The following PACRG variants were observed in gnomAD, a reference collection of about 807,000 sequenced individuals.
The protein encoded by PACRG is parkin coregulated gene protein.
PACRG carries 29 observed loss-of-function variants against 29.7 expected under a neutral mutation model. The observed-to-expected ratio is 0.98, with a 90% CI of 0.73 to 1.33. PACRG has a LOEUF of 1.33. PACRG is among the 40% of genes most tolerant of loss of function. The pLI, the probability that PACRG is intolerant of heterozygous loss-of-function variation, is 0.00. For missense variants in PACRG, 279 were observed against 316.2 expected (o/e 0.88, Z 0.89); for synonymous variants, 116 against 118.7 (o/e 0.98, Z 0.15).
chr6:162,794,947 A>G (rs1021371335), intron 1 of PACRG, among the ~76,000 whole-genome samples: 7 of 152,148 alleles, frequency 4.6e-5, no homozygotes, highest in African/African-American at 1.2e-4. Flanking sequence ...AATGAATACT[A>G]TGAATATTGT....
chr6:163,095,255 A>G, intron 4 of PACRG: 1 of 985,110 alleles, frequency 1.0e-6, no homozygotes, highest in South Asian at 4.7e-5. Context: ...TTTCAACCCA[A>G]ATCCACTTAT....
chr6:163,128,933 T>A (rs1398411374), intron 4 of PACRG, among the ~76,000 whole-genome samples: 2 of 152,188 alleles, frequency 1.3e-5, no homozygotes, highest in African/African-American at 4.8e-5. Flanking sequence ...ATCTCATCCA[T>A]CTGTTTTTTT....
intron 2 of PACRG, among the ~76,000 whole-genome samples, chr6:163,031,561 C>T (rs1807665386): frequency 6.6e-6 from 1 of 152,186 alleles, no homozygotes; most frequent in Non-Finnish European, 1.5e-5. Context: ...CCCATTTTTA[C>T]TAAAGACAAA....
At chr6:163,238,334 G>T (rs1782330065) in intron 4 of PACRG, among the ~76,000 whole-genome samples, 1 of 152,166 alleles carries the variant, frequency 6.6e-6, no homozygotes, top group Admixed American at 6.5e-5. Flanking sequence ...ATATACAACA[G>T]TAAATAATTA....
intron 4 of PACRG, among the ~76,000 whole-genome samples, chr6:163,195,797 T>A (rs1448561987): frequency 6.6e-6 from 1 of 152,170 alleles, no homozygotes; most frequent in African/African-American, 2.4e-5. Context: ...ACGGCCATTC[T>A]AAAATGGCCC....
chr6:162,903,478 G>A lies in PACRG; in HGVS notation c.291+89197G>A, dbSNP rs368678365. 5.9e-5 allele frequency among the ~76,000 whole-genome samples: 9 copies of A among 152,236 alleles called. No homozygotes were observed. In the East Asian group the frequency reaches 1.7e-3, roughly 30 times the overall value. ...GTGGCTGGGGAGGCCTCACAATCAT[G>A]GCAGAAGGTGAAAGACACATCTTAC... On this transcript the variant is annotated intron_variant, in intron 2 of 4. Transcript: ENST00000366888.
intron 2 of PACRG, among the ~76,000 whole-genome samples, chr6:163,044,128 G>A (rs1055705875): frequency 2.6e-5 from 4 of 151,950 alleles, no homozygotes; most frequent in African/African-American, 9.7e-5. Context: ...GAAAAAATAA[G>A]GGTTGGATGT....
chr6:162,980,467 AG>A (rs1723749245), intron 2 of PACRG, among the ~76,000 whole-genome samples: 2 of 152,180 alleles, frequency 1.3e-5, no homozygotes, highest in Admixed American at 1.3e-4. Flanking sequence ...GGATTAAGTA[AG>A]GTTCAGAAGC....
At chr6:162,862,365 C>A (rs911996231) in intron 2 of PACRG, among the ~76,000 whole-genome samples, 5 of 152,170 alleles carry the variant, frequency 3.3e-5, no homozygotes, top group African/African-American at 1.2e-4. Context: ...CCTGTATACT[C>A]TGTGGTGGGG....
Position 163,079,890 on chromosome 6 carries a change from C to CTTTTTTTTTTT in PACRG, c.464-9354_464-9344dup, listed in dbSNP as rs67162530. Among the ~76,000 whole-genome samples, 23 of 78,694 alleles carry CTTTTTTTTTTT rather than the reference C, an allele frequency of 2.9e-4. 1 individual carries two copies. Among genetic ancestry groups the CTTTTTTTTTTT allele is most frequent in the East Asian group, 4.4e-4 (1 of 2,250 alleles). 51.6% of individuals were successfully genotyped at this position (78,694 alleles called of 152,430 possible). On this transcript the variant is annotated intron_variant, in intron 3 of 4. Coordinates refer to ENST00000366888, the MANE Select transcript of PACRG (RefSeq NM_001080379.2). ...CAGAAGAAGAAATGTAGCAGTCATT[C>CTTTTTTTTTTT]TTTTTTTTTTTTTTTTTTTTTTTTT...
At chr6:162,814,103 G>T (rs1477373740) in intron 1 of PACRG, 44 bp from the exon 2 acceptor site, 2 of 1,510,590 alleles carry the variant, frequency 1.3e-6, no homozygotes, top group South Asian at 2.6e-5. Context: ...AATTTTTTTA[G>T]TATGTCTTAA....
chr6:162,770,186 A>G (rs1238701949), intron 1 of PACRG, among the ~76,000 whole-genome samples: 1 of 152,182 alleles, frequency 6.6e-6, no homozygotes, highest in African/African-American at 2.4e-5. Flanking sequence ...GACTTTAAAA[A>G]TGTTTATTCT....
chr6:163,200,466 T>G (rs995803888), intron 4 of PACRG, among the ~76,000 whole-genome samples: 1 of 151,698 alleles, frequency 6.6e-6, no homozygotes, highest in Non-Finnish European at 1.5e-5. Flanking sequence ...AACCTTGGAG[T>G]CTAAACGCCA....
At chr6:162,739,740 G>T (rs533979862) in intron 1 of PACRG, among the ~76,000 whole-genome samples, 37 of 151,706 alleles carry the variant, frequency 2.4e-4, no homozygotes, top group African/African-American at 8.5e-4. Context: ...TACTCAGGAG[G>T]CTGAGGCAGG....
At chr6:162,887,030 C>G (rs1222800446) in intron 2 of PACRG, among the ~76,000 whole-genome samples, 1 of 152,144 alleles carries the variant, frequency 6.6e-6, no homozygotes, top group African/African-American at 2.4e-5. Flanking sequence ...GCCTCAGCCT[C>G]CCGAGTAGCT....
chr6:163,256,619 G>T (rs979817150), intron 4 of PACRG, among the ~76,000 whole-genome samples: 1 of 152,178 alleles, frequency 6.6e-6, no homozygotes, highest in Non-Finnish European at 1.5e-5. Flanking sequence ...GAAAGCACAT[G>T]CAAAGGCCCC....
At chr6:163,203,832 T>A (rs897744748) in intron 4 of PACRG, among the ~76,000 whole-genome samples, 4 of 152,340 alleles carry the variant, frequency 2.6e-5, no homozygotes, top group African/African-American at 9.6e-5. Context: ...GTAAAAGCTG[T>A]TTCTAGCTAA....
At chr6:163,242,355 T>A (rs1475101127) in intron 4 of PACRG, among the ~76,000 whole-genome samples, 2 of 152,246 alleles carry the variant, frequency 1.3e-5, no homozygotes, top group Non-Finnish European at 2.9e-5. Flanking sequence ...ATGTAACAAA[T>A]GCAAATTATC....
intron 2 of PACRG, among the ~76,000 whole-genome samples, chr6:163,011,145 T>C (rs1805576646): frequency 6.6e-6 from 1 of 152,104 alleles, no homozygotes; most frequent in Non-Finnish European, 1.5e-5. Context: ...CTTCCTGTCA[T>C]GGAAGATTTA....
Sources: gnomAD v4.1 joint callset for allele counts (sites outside exome capture counted in the v4.1 genomes callset) on GRCh38, gnomAD v4.1.1 for gene constraint, MANE v1.5 for transcripts, NCBI Gene and HGNC (gene_info 2026-07-23, HGNC 2026-07-21) for gene names.